The following CBLIF variants were observed in gnomAD, a reference collection of about 807,000 sequenced individuals.
CBLIF encodes the protein gastric intrinsic factor (vitamin B synthesis).
In CBLIF, 24 loss-of-function variants were observed where a neutral mutation model predicts 44.9. The observed-to-expected ratio is 0.53, with a 90% CI of 0.39 to 0.75. CBLIF has a LOEUF of 0.75. CBLIF is among the 30% of genes least tolerant of loss of function. The pLI is 0.00. For missense variants in CBLIF, 481 were observed against 513.0 expected, an observed-to-expected ratio of 0.94 and a Z score of 0.60; for synonymous variants, 183 against 190.9, an observed-to-expected ratio of 0.96 and a Z score of 0.34.
At chr11:59,843,770 A>T in intron 2 of CBLIF, 109 bp downstream of exon 2, 1 of 831,570 alleles carries the variant, frequency 1.2e-6, no homozygotes, top group Non-Finnish European at 2.1e-6. Context: ...TGGGTAGTTT[A>T]TTTACAGTCA....
chr11:59,844,648 G>A (rs938138162), intron 1 of CBLIF, among the ~76,000 whole-genome samples: 1 of 152,000 alleles, frequency 6.6e-6, no homozygotes, highest in African/African-American at 2.4e-5. Context: ...TCACTTTCCT[G>A]GAAATCACTG....
At chr11:59,836,910 T>C (rs1038114416) in intron 6 of CBLIF, among the ~76,000 whole-genome samples, 6 of 152,264 alleles carry the variant, frequency 3.9e-5, no homozygotes, top group Non-Finnish European at 7.3e-5. Context: ...GAGCTTCTTC[T>C]ACCTCTAGTA....
chr11:59,831,146 T>C (rs1001338574), intron 8 of CBLIF, among the ~76,000 whole-genome samples: 2 of 152,246 alleles, frequency 1.3e-5, no homozygotes, highest in Non-Finnish European at 2.9e-5. Flanking sequence ...GTGCAAAAGC[T>C]TTAACAAATG....
At chr11:59,831,179 G>C (rs1402760043) in intron 8 of CBLIF, among the ~76,000 whole-genome samples, 2 of 152,172 alleles carry the variant, frequency 1.3e-5, no homozygotes, top group Non-Finnish European at 2.9e-5. Context: ...TGAAGTCTGA[G>C]TTTTATTCTT....
At chr11:59,843,403 T>C (rs1199199066) in intron 2 of CBLIF, among the ~76,000 whole-genome samples, 2 of 152,210 alleles carry the variant, frequency 1.3e-5, no homozygotes, top group Non-Finnish European at 2.9e-5. Flanking sequence ...AGCAGCAAAA[T>C]ACTCATATAG....
rs1320541838 is a variant in CBLIF, at chr11:59,845,493, G to A, written c.-40C>T. On this transcript the variant is annotated 5_prime_UTR_variant, in exon 1 of 9. Coordinates refer to ENST00000257248, the MANE Select transcript of CBLIF (RefSeq NM_005142.3). ...TATGTCTCTCATCCACAGGTACCGC[G>A]ATTTGCAAGTGGAATATTTCTTTAC... The A allele has an allele frequency of 1.7e-5, 22 of 1,265,394 alleles. No homozygotes were observed. Among genetic ancestry groups the A allele is most frequent in the Non-Finnish European group, 1.9e-5 (16 of 862,986 alleles). 78.4% of individuals were successfully genotyped at this position (1,265,394 alleles called of 1,614,324 possible). A position where few individuals can be genotyped will look rare whatever the true frequency, so the allele number is the denominator to read the frequency against.
At position 59,835,877 on chromosome 11, in the gene CBLIF, A is replaced by G; in HGVS notation, c.1004T>C (p.Val335Ala). 1 of 1,614,028 alleles carries G rather than the reference A, an allele frequency of 6.2e-7. No homozygotes were observed. The highest frequency in any genetic ancestry group is 8.5e-7 in the Non-Finnish European group (1 of 1,179,954). The change falls in exon 7 of 9, where the codon GTT becomes GCT. Residue 335 changes from valine to alanine, a missense_variant. Val to Ala is a moderately conservative substitution (Grantham distance 64, BLOSUM62 0). Transcript: ENST00000257248. ...TAACACTGACCCACTTTTCACACTA[A>G]CATTGATGGTCTCGTTGAAGAGCAG... ...VELLFNETIN[V>A]SVKSGSVLLV...
chr11:59,842,431 T>C lies in CBLIF; in HGVS notation c.511+12A>G. 1 of 1,613,338 alleles carries C rather than the reference T, an allele frequency of 6.2e-7. No homozygotes were observed. Among genetic ancestry groups the C allele is most frequent in the Non-Finnish European group, 8.5e-7 (1 of 1,179,912 alleles). On this transcript the variant is annotated intron_variant, in intron 4 of 8. Coordinates refer to ENST00000257248, the MANE Select transcript of CBLIF (RefSeq NM_005142.3). ...TGATGTTCCCAGCTCGGGGTAGTGG[T>C]GACCTACTCACCTACATTGAAGGGA...
In CBLIF at chr11:59,837,195, G is replaced by A; in HGVS notation, c.850C>T (p.Pro284Ser). The change falls in exon 6 of 9, where the codon CCC (proline) becomes TCC (serine). Residue 284 changes from proline to serine, a missense_variant. Pro to Ser is a moderately conservative substitution (Grantham distance 74). Coordinates refer to ENST00000257248, the MANE Select transcript of CBLIF (RefSeq NM_005142.3). ...TTACCAGGACTACAAGTGACCTGGG[G>A]CACATCTAGGTATGTCTTGCCTTTC... ...SLKGKTYLDV[P>S]QVTCSPDHEV... The A allele has an allele frequency of 1.2e-6, 2 of 1,613,922 alleles. No homozygotes were observed. Among genetic ancestry groups the A allele is most frequent in the Non-Finnish European group, 1.7e-6 (2 of 1,179,768 alleles).
chr11:59,832,197 C>CATT (rs930677974), intron 7 of CBLIF, among the ~76,000 whole-genome samples: 18 of 152,036 alleles, frequency 1.2e-4, no homozygotes, highest in Middle Eastern at 3.2e-3. Flanking sequence ...GGATGGAGGC[C>CATT]ATTATCCTTA....
chr11:59,841,381 G>T, intron 4 of CBLIF, 57 bp from the exon 5 acceptor site: 1 of 1,181,174 alleles, frequency 8.5e-7, no homozygotes. Context: ...AATATGAACA[G>T]CTAACATTTA....
chr11:59,843,154 G>A lies in CBLIF; in HGVS notation c.257-13C>T, dbSNP rs756447151. ...CCAATGGTTAGATCTGCAGAGAAGA[G>A]AACACAACGGTTAGACAGAGACATC... On this transcript the variant is annotated splice_polypyrimidine_tract_variant and intron_variant, in intron 2 of 8. Coordinates refer to ENST00000257248, the MANE Select transcript of CBLIF (RefSeq NM_005142.3). The A allele has an allele frequency of 6.6e-6, 10 of 1,510,852 alleles. No homozygotes were observed. Among genetic ancestry groups the A allele is most frequent in the Middle Eastern group, 1.7e-4 (1 of 5,828 alleles). The allele number at this position is 1,510,852 out of a possible 1,614,324, so 93.6% of individuals were successfully genotyped here. A position where few individuals can be genotyped will look rare whatever the true frequency, so the allele number is the denominator to read the frequency against.
Position 59,831,672 on chromosome 11 carries a change from C to G in CBLIF, c.1192+6G>C, listed in dbSNP as rs1866375725. 1.6e-6 allele frequency: 2 copies of G among 1,223,168 alleles called. No homozygotes were observed. The highest frequency in any genetic ancestry group is 2.4e-6 in the Non-Finnish European group (2 of 823,028). The allele number at this position is 1,223,168 out of a possible 1,614,324, so 75.8% of individuals were successfully genotyped here. ...AAGATAACGCCTATGTCTTTTCTTC[C>G]CTCACCTTCATTCAAAGGTGTTACA... On this transcript the variant is annotated splice_donor_region_variant and intron_variant, in intron 8 of 8. Transcript: ENST00000257248.
intron 7 of CBLIF, among the ~76,000 whole-genome samples, chr11:59,834,242 T>C (rs142835670): frequency 0.011 from 807 of 74,806 alleles, 3 homozygotes; most frequent in Middle Eastern, 0.02. Context: ...TTCTTTCTTT[T>C]TCTTTCTTTC....
At position 59,845,389 on chromosome 11, in the gene CBLIF, G is replaced by A; in HGVS notation, c.65C>T (p.Thr22Ile). ...LWATAGTSTQ[T>I]QSSCSVPSAQ... Reference sequence around the variant, plus strand: ...ATCATACTCACAGCATGAACTCTGGGTCTGGGTACTAGTCCCAGCTGTAGC... The same window carrying A: ...ATCATACTCACAGCATGAACTCTGGATCTGGGTACTAGTCCCAGCTGTAGC... Residue 22 changes from threonine to isoleucine, a missense_variant, in exon 1 of 9, where the codon ACC (threonine) becomes ATC (isoleucine). Physicochemically the swap from Thr to Ile is moderately conservative, Grantham distance 89. Coordinates refer to ENST00000257248, the MANE Select transcript of CBLIF (RefSeq NM_005142.3). 2 of 1,611,634 alleles carry A rather than the reference G, an allele frequency of 1.2e-6. No individual in the cohort carries two copies. Among genetic ancestry groups the A allele is most frequent in the Non-Finnish European group, 1.7e-6 (2 of 1,177,856 alleles).
intron 7 of CBLIF, among the ~76,000 whole-genome samples, chr11:59,832,429 C>T (rs139356405): frequency 1.3e-5 from 2 of 152,220 alleles, no homozygotes; most frequent in African/African-American, 4.8e-5. Context: ...CCCCATGACA[C>T]AGTTTACCTA....
rs193179453 is a variant in CBLIF at position 59,835,691 on chromosome 11, C to T, written c.1073+117G>A. Reference sequence around the variant, plus strand: ...TTTATTAGATTGAAAGCTGCTCAAGCGCTATTAAATAAAAATCTGTTATCA... The same window carrying T: ...TTTATTAGATTGAAAGCTGCTCAAGTGCTATTAAATAAAAATCTGTTATCA... On this transcript the variant is annotated intron_variant, in intron 7 of 8. Transcript: ENST00000257248. 1.3e-4 allele frequency: 104 copies of T among 804,416 alleles called. No individual in the cohort carries two copies. In the African/African-American group the frequency reaches 1.5e-3, roughly 12 times the overall value. 49.8% of individuals were successfully genotyped at this position (804,416 alleles called of 1,614,324 possible).
At chr11:59,830,196 G>A (rs948585449) in intron 8 of CBLIF, among the ~76,000 whole-genome samples, 5 of 149,962 alleles carry the variant, frequency 3.3e-5, no homozygotes, top group African/African-American at 1.2e-4. Context: ...GTAGACATGA[G>A]AATATGCCTG....
At chr11:59,831,834 A>G (rs753366443) in intron 7 of CBLIF, 38 bp from the exon 8 acceptor site, 2 of 926,674 alleles carry the variant, frequency 2.2e-6, no homozygotes, top group Admixed American at 1.7e-5. Flanking sequence ...ATCTCACTTT[A>G]GGTCAGGGAA....
Sources: allele counts gnomAD v4.1 joint callset (sites outside exome capture counted in the v4.1 genomes callset), GRCh38; gene constraint gnomAD v4.1.1; transcripts MANE v1.5; gene names NCBI Gene and HGNC (gene_info 2026-07-23, HGNC 2026-07-21).